HDAC9: variants seen among roughly 807,000 people sequenced by gnomAD.
HDAC9 encodes the protein MEF-2 interacting transcription repressor (MITR) protein.
A neutral mutation model predicts 139.4 loss-of-function variants in HDAC9; 41 were observed. That is an observed-to-expected ratio of 0.29 (90% CI 0.23 to 0.38). The LOEUF (loss-of-function observed/expected upper bound fraction) is 0.38. Ranked by LOEUF, HDAC9 falls within the 10% of genes least tolerant of loss-of-function variation. The probability of loss-of-function intolerance (pLI) is 1.00; values close to 1 mark genes in which losing one functional copy is unlikely to be tolerated. For missense variants in HDAC9, 1,147 were observed against 1,297.0 expected, an observed-to-expected ratio of 0.88 and a Z score of 1.78; for synonymous variants, 517 against 476.2, an observed-to-expected ratio of 1.09 and a Z score of -1.12.
chr7:18,342,761 C>T (rs1266094661), intron 1 of HDAC9, among the ~76,000 whole-genome samples: 4 of 151,800 alleles, frequency 2.6e-5, no homozygotes, highest in African/African-American at 9.7e-5. Context: ...TTACAAATCA[C>T]ATGAAACAGT....
At chr7:18,725,691 G>A (rs1294240363) in intron 12 of HDAC9, among the ~76,000 whole-genome samples, 2 of 152,148 alleles carry the variant, frequency 1.3e-5, no homozygotes, top group East Asian at 3.8e-4. Context: ...AGGAATTGTA[G>A]ATCATATGTG....
chr7:18,321,290 C>T (rs1800012590), intron 1 of HDAC9, among the ~76,000 whole-genome samples: 1 of 152,212 alleles, frequency 6.6e-6, no homozygotes, highest in African/African-American at 2.4e-5. Flanking sequence ...AACCTTCATA[C>T]TCTTTCCATC....
Position 18,980,770 on chromosome 7 carries a change from T to TC in HDAC9, c.3170+4818dup, listed in dbSNP as rs1172221912. ...CCTTCTTCTTCTTCCTTCTTCTTCT[T>TC]CTTCTTCCTCTTCTTCTTCTTCCTT... On this transcript the variant is annotated intron_variant, in intron 25 of 25. Coordinates refer to ENST00000686413, the MANE Select transcript of HDAC9 (RefSeq NM_178425.4). 1.8e-3 allele frequency among the ~76,000 whole-genome samples: 256 copies of TC among 143,860 alleles called. 2 individuals carry two copies. Among genetic ancestry groups the TC allele is most frequent in the Middle Eastern group, 7.0e-3 (2 of 286 alleles). The allele number at this position is 143,860 out of a possible 152,430, so 94.4% of individuals were successfully genotyped here. A position where few individuals can be genotyped will look rare whatever the true frequency, so the allele number is the denominator to read the frequency against.
At chr7:18,879,007 C>T (rs1178689010) in intron 22 of HDAC9, among the ~76,000 whole-genome samples, 5 of 152,160 alleles carry the variant, frequency 3.3e-5, no homozygotes, top group African/African-American at 1.2e-4. Flanking sequence ...CATTCCTACA[C>T]ACCAACAACA....
At chr7:18,323,609 A>C (rs752138087) in intron 1 of HDAC9, among the ~76,000 whole-genome samples, 6 of 152,170 alleles carry the variant, frequency 3.9e-5, no homozygotes, top group Non-Finnish European at 7.4e-5. Flanking sequence ...TGTATCTTTT[A>C]AAAGCTCCCA....
intron 1 of HDAC9, among the ~76,000 whole-genome samples, chr7:18,107,927 T>C (rs192116476): frequency 3.0e-4 from 45 of 152,362 alleles, no homozygotes; most frequent in Admixed American, 5.2e-4. Context: ...GTTTCGACCC[T>C]ATATGTCTTA....
At chr7:18,334,332 T>C (rs1338998569) in intron 1 of HDAC9, among the ~76,000 whole-genome samples, 1 of 151,414 alleles carries the variant, frequency 6.6e-6, no homozygotes, top group East Asian at 1.9e-4. Flanking sequence ...GAATCAGGAA[T>C]GGCTTAGAGT....
intron 2 of HDAC9, among the ~76,000 whole-genome samples, chr7:18,530,773 A>G (rs949825467): frequency 1.3e-5 from 2 of 149,374 alleles, no homozygotes; most frequent in Non-Finnish European, 3.0e-5. Context: ...ATGCTTAATT[A>G]TATATATAAA....
At chr7:18,596,418 T>C (rs1245907490) in intron 6 of HDAC9, among the ~76,000 whole-genome samples, 2 of 152,132 alleles carry the variant, frequency 1.3e-5, no homozygotes, top group Non-Finnish European at 2.9e-5. Context: ...CCATTTGGTG[T>C]ATTTCCAATT....
intron 1 of HDAC9, among the ~76,000 whole-genome samples, chr7:18,311,691 A>G (rs1175470367): frequency 6.6e-6 from 1 of 152,096 alleles, no homozygotes; most frequent in Non-Finnish European, 1.5e-5. Flanking sequence ...TTCATATTCT[A>G]CTACTGTCAA....
chr7:18,420,230 A>G (rs1789492244), intron 1 of HDAC9, among the ~76,000 whole-genome samples: 1 of 152,218 alleles, frequency 6.6e-6, no homozygotes, highest in African/African-American at 2.4e-5. Flanking sequence ...TTATCCTTCT[A>G]GACTGTTGAC....
chr7:18,732,824 T>C (rs1277540316), intron 13 of HDAC9, among the ~76,000 whole-genome samples: 4 of 104,434 alleles, frequency 3.8e-5, no homozygotes, highest in African/African-American at 9.2e-5. Flanking sequence ...CACGTGTGTA[T>C]GTGTGCGTAT....
At chr7:18,440,470 C>A (rs749334552) in intron 1 of HDAC9, among the ~76,000 whole-genome samples, 7 of 152,144 alleles carry the variant, frequency 4.6e-5, no homozygotes, top group Admixed American at 1.3e-4. Flanking sequence ...CAGGCATGAG[C>A]CACCAGGCCC....
intron 1 of HDAC9, among the ~76,000 whole-genome samples, chr7:18,362,176 T>C (rs1783833298): frequency 6.6e-6 from 1 of 152,202 alleles, no homozygotes; most frequent in African/African-American, 2.4e-5. Flanking sequence ...TAACCTTTCA[T>C]ACTTGACCAT....
intron 13 of HDAC9, among the ~76,000 whole-genome samples, chr7:18,740,337 C>A (rs143948105): frequency 1.1e-3 from 166 of 152,288 alleles, no homozygotes; most frequent in Admixed American, 2.4e-3. Context: ...GCAGAAATCC[C>A]CCATCTTCTG....
At chr7:18,290,564 G>A in intron 1 of HDAC9, 1 of 456,376 alleles carries the variant, frequency 2.2e-6, no homozygotes, top group Admixed American at 2.4e-5. Context: ...AAAAGATAGT[G>A]GGGTAGATGT....
At chr7:18,688,238 A>G (rs183894783) in intron 12 of HDAC9, among the ~76,000 whole-genome samples, 5 of 151,970 alleles carry the variant, frequency 3.3e-5, no homozygotes, top group African/African-American at 1.2e-4. Context: ...TAATATTCTC[A>G]GAGAGCAAGA....
Position 18,457,524 on chromosome 7 carries a change from T to G in HDAC9, c.-41-38738T>G, listed in dbSNP as rs143823774. ...AAAATAATCTAATTATTCATAAACTTTTAATTGAGAGTTTCTTTCTGATTA... is the reference window on the plus strand; with the variant it reads ...AAAATAATCTAATTATTCATAAACTGTTAATTGAGAGTTTCTTTCTGATTA... On this transcript the variant is annotated intron_variant, in intron 1 of 3. Transcript: ENST00000413509. 3.9e-3 allele frequency among the ~76,000 whole-genome samples: 592 copies of G among 152,318 alleles called. 4 individuals are homozygous for G. Among genetic ancestry groups the G allele is most frequent in the Middle Eastern group, 0.014 (4 of 294 alleles).
chr7:18,226,316 A>C (rs1052304767), intron 2 of HDAC9, among the ~76,000 whole-genome samples: 1 of 152,162 alleles, frequency 6.6e-6, no homozygotes, highest in Admixed American at 6.6e-5. Flanking sequence ...GGAGTGGTGG[A>C]CAACTGCAGG....
Sources: gnomAD v4.1 joint callset for allele counts (sites outside exome capture counted in the v4.1 genomes callset) on GRCh38, gnomAD v4.1.1 for gene constraint, MANE v1.5 for transcripts, NCBI Gene and HGNC (gene_info 2026-07-23, HGNC 2026-07-21) for gene names.